DPY19L1: variants seen among roughly 807,000 people sequenced by gnomAD.
DPY19L1 encodes the protein dpy-19 like C-mannosyltransferase 1.
A neutral mutation model predicts 96.9 loss-of-function variants in DPY19L1; 35 were observed. That is an observed-to-expected ratio of 0.36 (90% confidence interval 0.28 to 0.48). DPY19L1 has a LOEUF of 0.48. Among genes scored for constraint, DPY19L1 ranks in the 20% least tolerant of loss-of-function variants. The pLI is 0.99. For synonymous variants in DPY19L1, 205 were observed against 252.6 expected, an observed-to-expected ratio of 0.81 and a Z score of 1.79; for missense variants, 521 against 777.9, an observed-to-expected ratio of 0.67 and a Z score of 3.93.
At chr7:35,014,028 T>C (rs1208422549) in intron 3 of DPY19L1, among the ~76,000 whole-genome samples, 1 of 152,210 alleles carries the variant, frequency 6.6e-6, no homozygotes, top group Non-Finnish European at 1.5e-5. Context: ...TGCTATCTTA[T>C]GAATAGAGTG....
chr7:34,991,446 C>T (rs1785166134), intron 6 of DPY19L1, among the ~76,000 whole-genome samples: 2 of 152,212 alleles, frequency 1.3e-5, no homozygotes, highest in South Asian at 4.1e-4. Context: ...GACAGAGGAG[C>T]TTAGAAAGCA....
At chr7:35,024,063 C>G (rs561585778) in intron 1 of DPY19L1, among the ~76,000 whole-genome samples, 1 of 152,174 alleles carries the variant, frequency 6.6e-6, no homozygotes, top group Admixed American at 6.5e-5. Context: ...GTATCGATCT[C>G]CTGGCCTTGT....
chr7:34,978,115 C>T (rs987469359), intron 7 of DPY19L1, among the ~76,000 whole-genome samples: 2 of 152,024 alleles, frequency 1.3e-5, no homozygotes, highest in African/African-American at 4.8e-5. Flanking sequence ...ATTGGGAATA[C>T]AGTATGATCT....
chr7:35,007,871 G>C (rs1785601616), intron 6 of DPY19L1, among the ~76,000 whole-genome samples: 1 of 151,908 alleles, frequency 6.6e-6, no homozygotes. Flanking sequence ...CTTGAATCCT[G>C]TTCTTATACT....
intron 10 of DPY19L1, 45 bp downstream of exon 10, chr7:34,966,848 GT>G (rs753405456): frequency 1.4e-6 from 2 of 1,438,686 alleles, no homozygotes; most frequent in East Asian, 2.6e-5. Context: ...TTAATCAGGA[GT>G]TTTAAGGGCA....
chr7:34,934,882 CG>C (rs1783833457), intron 21 of DPY19L1, among the ~76,000 whole-genome samples: 1 of 152,168 alleles, frequency 6.6e-6, no homozygotes, highest in Non-Finnish European at 1.5e-5. Flanking sequence ...GGTCCATGGC[CG>C]GGGGCTTGGA....
chr7:35,025,740 C>G (rs1471569549), intron 1 of DPY19L1, among the ~76,000 whole-genome samples: 1 of 152,164 alleles, frequency 6.6e-6, no homozygotes, highest in Non-Finnish European at 1.5e-5. Flanking sequence ...CCAAGAACAG[C>G]AAGAGCCAGA....
intron 1 of DPY19L1, among the ~76,000 whole-genome samples, chr7:35,025,626 T>C (rs1463596431): frequency 1.3e-5 from 2 of 152,154 alleles, no homozygotes; most frequent in African/African-American, 2.4e-5. Context: ...GATAAAAGAA[T>C]TCCCACCACT....
At chr7:35,018,368 T>A (rs1785909901) in intron 2 of DPY19L1, among the ~76,000 whole-genome samples, 1 of 152,172 alleles carries the variant, frequency 6.6e-6, no homozygotes, top group Non-Finnish European at 1.5e-5. Flanking sequence ...ATAGCCTCTT[T>A]AATAATGAAT....
intron 6 of DPY19L1, chr7:35,000,316 AG>A (rs1785395877): frequency 6.6e-6 from 1 of 152,208 alleles, no homozygotes; most frequent in African/African-American, 2.4e-5. Flanking sequence ...TCCAAAAAAA[AG>A]AAAAACTTTC....
intron 17 of DPY19L1, among the ~76,000 whole-genome samples, chr7:34,942,198 C>T (rs1784035055): frequency 6.6e-6 from 1 of 152,126 alleles, no homozygotes; most frequent in Admixed American, 6.6e-5. Context: ...AAAGAAATGA[C>T]TGCTGCCTCA....
chr7:34,975,314 C>T lies in DPY19L1; in HGVS notation c.823-1709G>A, dbSNP rs567830022. Among the ~76,000 whole-genome samples, 103 of 152,148 alleles carry T rather than the reference C, an allele frequency of 6.8e-4. 1 individual carries two copies. The highest frequency in any genetic ancestry group is 8.1e-4 in the Non-Finnish European group (55 of 68,024). The stretch of plus-strand genomic sequence containing the variant: ...AACAACCTTATTGCTGATACGCAGA[C>T]AGTTTTAATGTTCTGGATGGAAGAT... On this transcript the variant is annotated intron_variant, in intron 7 of 21. Coordinates refer to ENST00000638088, the MANE Select transcript of DPY19L1 (RefSeq NM_001366673.1).
At position 34,940,310 on chromosome 7, in the gene DPY19L1, A is replaced by G; in HGVS notation, c.1707T>C (p.Phe569=). The G allele has an allele frequency of 1.2e-6, 2 of 1,608,200 alleles. No individual in the cohort carries two copies. The highest frequency in any genetic ancestry group is 1.7e-6 in the Non-Finnish European group (2 of 1,178,758). The change falls in exon 19 of 22, where the codon TTT becomes TTC. Residue 569 remains phenylalanine (F), a synonymous_variant. Transcript: ENST00000638088. ...ICSRQLFGWL[F]CKVHPGAIVF... is the part of the protein sequence containing the mutation. Reference sequence around the variant, plus strand: ...CAATAGCACCAGGATGTACTTTGCAAAAGAGCCATCCAAATAGCTGAAACC... The same window carrying G: ...CAATAGCACCAGGATGTACTTTGCAGAAGAGCCATCCAAATAGCTGAAACC...
chr7:35,035,265 T>C (rs1786364559), intron 1 of DPY19L1, among the ~76,000 whole-genome samples: 1 of 152,186 alleles, frequency 6.6e-6, no homozygotes, highest in African/African-American at 2.4e-5. Context: ...ACATTCACTG[T>C]ACCTCCTTTC....
intron 6 of DPY19L1, among the ~76,000 whole-genome samples, chr7:34,995,849 C>T (rs1173791247): frequency 1.4e-5 from 2 of 145,032 alleles, no homozygotes; most frequent in African/African-American, 2.6e-5. Flanking sequence ...CCTTCCTAGC[C>T]CAATGAAGAA....
At position 35,018,608 on chromosome 7, in the gene DPY19L1, A is replaced by AATTAGAAATTAAC. The variant is rs1237448501; in HGVS notation, c.299-13_299-12insGTTAATTTCTAAT. On this transcript the variant is annotated splice_polypyrimidine_tract_variant and intron_variant, in intron 1 of 21. Coordinates refer to ENST00000638088, the MANE Select transcript of DPY19L1 (RefSeq NM_001366673.1). ...TGCTGCAAAAACAGCTGTAAGAAAAAAGAAATTTAAATTAGAATTTTAGCA... is the reference window on the plus strand; with the variant it reads ...TGCTGCAAAAACAGCTGTAAGAAAAAATTAGAAATTAACAGAAATTTAAATTAGAATTTTAGCA... 1.4e-5 allele frequency: 22 copies of AATTAGAAATTAAC among 1,606,574 alleles called. No homozygotes were observed.
chr7:34,946,711 T>C (rs375644519), intron 15 of DPY19L1, among the ~76,000 whole-genome samples: 6 of 152,214 alleles, frequency 3.9e-5, no homozygotes, highest in South Asian at 2.1e-4. Flanking sequence ...AGCCCAACGA[T>C]AGGGGAAGGT....
intron 21 of DPY19L1, among the ~76,000 whole-genome samples, chr7:34,937,514 A>T (rs184926839): frequency 2.4e-3 from 365 of 152,362 alleles, no homozygotes; most frequent in African/African-American, 8.2e-3. Context: ...AAATATGAAC[A>T]ATTTGGGAGA....
intron 1 of DPY19L1, among the ~76,000 whole-genome samples, 189 bp downstream of exon 1, chr7:35,036,908 G>T (rs1786417729): frequency 6.6e-6 from 1 of 151,822 alleles, no homozygotes. Context: ...CCAGGGAGTT[G>T]CGGGGAGGAG....
Sources: gnomAD v4.1 joint callset for allele counts (sites outside exome capture counted in the v4.1 genomes callset) on GRCh38, gnomAD v4.1.1 for gene constraint, MANE v1.5 for transcripts, NCBI Gene and HGNC (gene_info 2026-07-23, HGNC 2026-07-21) for gene names.